DPP6: variants seen among roughly 807,000 people sequenced by gnomAD.
DPP6 encodes A-type potassium channel modulatory protein DPP6.
DPP6 carries 69 observed loss-of-function variants against 122.6 expected under a neutral mutation model. The observed-to-expected ratio is 0.56, with a 90% CI of 0.46 to 0.69. The LOEUF (loss-of-function observed/expected upper bound fraction) is 0.69, where lower values mean the gene tolerates loss of function less well. DPP6 is among the 30% of genes least tolerant of loss of function. The pLI is 0.00. For synonymous variants in DPP6, 418 were observed against 433.1 expected (o/e 0.97, Z 0.43); for missense variants, 928 against 1,116.9 (o/e 0.83, Z 2.41).
At chr7:154,805,081 C>T (rs1025183950) in intron 15 of DPP6, 117 bp downstream of exon 15, 141 of 1,363,116 alleles carry the variant, frequency 1.0e-4, no homozygotes, top group Non-Finnish European at 1.3e-4. Flanking sequence ...GACCCCACCA[C>T]AGAGGAGTAG....
intron 3 of DPP6, among the ~76,000 whole-genome samples, chr7:154,488,977 C>A (rs1824039010): frequency 6.6e-6 from 1 of 152,190 alleles, no homozygotes; most frequent in South Asian, 2.1e-4. Context: ...TCATAACAGA[C>A]ATTTACAAAA....
In DPP6 at chr7:154,363,625, T is replaced by G. The variant is rs570888494; in HGVS notation, c.244-82589T>G. ...GTCTGAGCACGTGCGCGGAAAACCA[T>G]GCTCCGTGGGTTGACAGCTGGTGGT... On this transcript the variant is annotated intron_variant, in intron 1 of 25. Coordinates refer to ENST00000377770, the MANE Select transcript of DPP6 (RefSeq NM_130797.4). Among the ~76,000 whole-genome samples, 3 of 152,296 alleles carry G rather than the reference T, an allele frequency of 2.0e-5. No individual in the cohort carries two copies. In the East Asian group the frequency reaches 5.8e-4, roughly 29 times the overall value.
intron 5 of DPP6, among the ~76,000 whole-genome samples, chr7:154,589,569 A>T (rs1349812764): frequency 3.9e-5 from 6 of 152,248 alleles, no homozygotes; most frequent in African/African-American, 1.4e-4. Context: ...AGATGGTGGC[A>T]TTACCCACAC....
chr7:154,423,960 G>A (rs903985796), intron 1 of DPP6, among the ~76,000 whole-genome samples: 1 of 152,154 alleles, frequency 6.6e-6, no homozygotes, highest in Non-Finnish European at 1.5e-5. Flanking sequence ...CTTGTTTCAC[G>A]GCCTTTGTTT....
rs1490784975 is a variant in DPP6, at chr7:154,179,862, C to A, written c.243+126799C>A. 2.6e-5 allele frequency among the ~76,000 whole-genome samples: 4 copies of A among 152,136 alleles called. No individual in the cohort carries two copies. The East Asian group carries it at 7.7e-4, about 29-fold the overall frequency. Reference sequence around the variant, plus strand: ...GCCCAACATTCAGTGAAGACAGATGCCTCCATTTATTTAAAAAAAATCAAC... The same window carrying A: ...GCCCAACATTCAGTGAAGACAGATGACTCCATTTATTTAAAAAAAATCAAC... On this transcript the variant is annotated intron_variant, in intron 1 of 25. Transcript: ENST00000377770.
intron 5 of DPP6, among the ~76,000 whole-genome samples, chr7:154,575,635 GT>G (rs1831610552): frequency 2.1e-5 from 3 of 142,884 alleles, no homozygotes; most frequent in Admixed American, 1.4e-4. Context: ...TGTGTGTGGT[GT>G]GTGTGGTGTG....
intron 5 of DPP6, among the ~76,000 whole-genome samples, chr7:154,570,796 T>C (rs1009225775): frequency 9.9e-5 from 15 of 152,200 alleles, no homozygotes; most frequent in African/African-American, 3.6e-4. Flanking sequence ...GCTTTAAAAG[T>C]AGCCTTTAAA....
intron 5 of DPP6, among the ~76,000 whole-genome samples, chr7:154,608,138 C>T (rs1257987026): frequency 1.3e-5 from 2 of 149,642 alleles, no homozygotes; most frequent in Non-Finnish European, 3.0e-5. Context: ...TGCCACCACA[C>T]CTGGCTAATT....
chr7:154,669,282 A>G (rs1838395420), intron 6 of DPP6, 78 bp from the exon 7 acceptor site: 1 of 1,548,984 alleles, frequency 6.5e-7, no homozygotes, highest in African/African-American at 1.4e-5. Context: ...AGTTATAGGT[A>G]GGGGATAAAA....
rs1800574617 is a variant in DPP6 at position 154,830,848 on chromosome 7, T to C, written c.1667-22932T>C. 1.3e-5 allele frequency among the ~76,000 whole-genome samples: 2 copies of C among 152,252 alleles called. 1 individual carries two copies. The highest frequency in any genetic ancestry group is 4.1e-4 in the South Asian group (2 of 4,836). On this transcript the variant is annotated intron_variant, in intron 16 of 25. Transcript: ENST00000377770. ...CAGATAACTGCTGCTGCCCAGTTCA[T>C]GTTTCAAGTATGAGTTCCTTCATTC...
intron 1 of DPP6, among the ~76,000 whole-genome samples, chr7:154,389,584 C>T (rs977835845): frequency 3.2e-4 from 48 of 152,058 alleles, no homozygotes; most frequent in African/African-American, 8.4e-4. Flanking sequence ...ATAATATATT[C>T]GATAGCATTT....
intron 1 of DPP6, among the ~76,000 whole-genome samples, chr7:154,084,887 G>T (rs1585341398): frequency 6.6e-6 from 1 of 151,346 alleles, no homozygotes; most frequent in Non-Finnish European, 1.5e-5. Flanking sequence ...CTACTTGGGA[G>T]GCTGAGGCAG....
At chr7:153,838,958 C>T in the DPP6 span, among the ~76,000 whole-genome samples, 1 of 152,100 alleles carries the variant, frequency 6.6e-6, no homozygotes, top group Non-Finnish European at 1.5e-5. Context: ...TCAAATGTGC[C>T]ATTTGAGTCA....
At chr7:153,880,767 C>T in the DPP6 span, among the ~76,000 whole-genome samples, 101 of 152,314 alleles carry the variant, frequency 6.6e-4, 1 homozygote, top group East Asian at 0.016. Context: ...ACCTGAAATA[C>T]AGTCTATTAC....
chr7:154,239,549 A>G (rs1305537909), intron 1 of DPP6, among the ~76,000 whole-genome samples: 4 of 138,726 alleles, frequency 2.9e-5, no homozygotes, highest in African/African-American at 6.9e-5. Flanking sequence ...ACTTTATTGT[A>G]AGATCACTTT....
chr7:154,593,951 A>G (rs1368072381), intron 5 of DPP6, among the ~76,000 whole-genome samples: 1 of 152,206 alleles, frequency 6.6e-6, no homozygotes, highest in African/African-American at 2.4e-5. Context: ...TAATTCTATG[A>G]TGTGAGTAAT....
intron 5 of DPP6, among the ~76,000 whole-genome samples, chr7:154,590,764 C>T (rs1216262918): frequency 6.6e-6 from 1 of 151,244 alleles, no homozygotes; most frequent in Non-Finnish European, 1.5e-5. Flanking sequence ...GAACTCCCGA[C>T]CTCAGGTGAT....
At chr7:153,899,539 T>A (rs538927876) in intron 1 of DPP6, among the ~76,000 whole-genome samples, 7 of 152,236 alleles carry the variant, frequency 4.6e-5, no homozygotes, top group Non-Finnish European at 2.9e-5. Context: ...ATGCTGTTTT[T>A]ATATGTGGAC....
chr7:154,687,210 A>G (rs1027791690), intron 7 of DPP6, among the ~76,000 whole-genome samples: 22 of 152,092 alleles, frequency 1.4e-4, no homozygotes, highest in Admixed American at 5.2e-4. Flanking sequence ...AAAGTCTCCT[A>G]TATTATCTTG....
Sources: gnomAD v4.1 joint callset for allele counts (sites outside exome capture counted in the v4.1 genomes callset) on GRCh38, gnomAD v4.1.1 for gene constraint, MANE v1.5 for transcripts, NCBI Gene and HGNC (gene_info 2026-07-23, HGNC 2026-07-21) for gene names.